The following GTF2F2 variants were observed in gnomAD, a reference collection of about 807,000 sequenced individuals.
The protein encoded by GTF2F2 is ATP-dependent helicase GTF2F2.
Under a neutral mutation model 42.2 loss-of-function variants are expected in GTF2F2, and 23 were observed. The observed-to-expected ratio is 0.55, with a 90% CI of 0.39 to 0.77. GTF2F2 has a LOEUF of 0.77. GTF2F2 is among the 30% of genes least tolerant of loss of function. The probability of loss-of-function intolerance (pLI) is 0.00; values close to 1 mark genes in which losing one functional copy is unlikely to be tolerated. For missense variants in GTF2F2, 261 were observed against 287.2 expected, an observed-to-expected ratio of 0.91 and a Z score of 0.66; for synonymous variants, 105 against 100.8, an observed-to-expected ratio of 1.04 and a Z score of -0.25.
intron 4 of GTF2F2, among the ~76,000 whole-genome samples, chr13:45,191,224 A>AAAAAAAAAAATATAT: frequency 1.3e-4 from 10 of 75,310 alleles, no homozygotes; most frequent in African/African-American, 9.0e-4. Context: ...ACAAAAAAAA[A>AAAAAAAAAAATATAT]ATATATATAT....
intron 4 of GTF2F2, among the ~76,000 whole-genome samples, chr13:45,167,659 A>G (rs1440219282): frequency 6.6e-6 from 1 of 151,940 alleles, no homozygotes; most frequent in Non-Finnish European, 1.5e-5. Flanking sequence ...GGGCCTCCCA[A>G]AAGTGCTGGG....
At chr13:45,255,166 CAAAAA>C (rs55795620) in intron 6 of GTF2F2, among the ~76,000 whole-genome samples, 75 of 76,084 alleles carry the variant, frequency 9.9e-4, no homozygotes, top group South Asian at 2.1e-3. Flanking sequence ...GACTTTGTCT[CAAAAA>C]AAAAAAAAAA....
chr13:45,197,156 T>G (rs894527476), intron 4 of GTF2F2, among the ~76,000 whole-genome samples: 2 of 151,654 alleles, frequency 1.3e-5, no homozygotes, highest in African/African-American at 4.8e-5. Flanking sequence ...CTTATACAAA[T>G]CCATAGGACT....
chr13:45,283,220 T>C (rs1877334219), intron 7 of GTF2F2, among the ~76,000 whole-genome samples: 1 of 152,158 alleles, frequency 6.6e-6, no homozygotes, highest in Admixed American at 6.6e-5. Context: ...TTCAGGACTT[T>C]CAACTCCTTT....
chr13:45,208,552 C>G (rs766156584), intron 5 of GTF2F2, among the ~76,000 whole-genome samples: 1 of 152,140 alleles, frequency 6.6e-6, no homozygotes, highest in Admixed American at 6.5e-5. Flanking sequence ...CGTGGACCTT[C>G]CATTGTCGCA....
At chr13:45,190,705 A>G (rs374543247) in intron 4 of GTF2F2, among the ~76,000 whole-genome samples, 1 of 152,068 alleles carries the variant, frequency 6.6e-6, no homozygotes, top group South Asian at 2.1e-4. Context: ...TATCACCCTA[A>G]AAGTAAGTAA....
In GTF2F2 at chr13:45,136,709, T is replaced by G. The variant is rs1471787483; in HGVS notation, c.67-24T>G. ...AAGATGTTAGCATCTAAAATAGACT[T>G]ATTAGTGTTTTACTTTGTTTTAGGT... On this transcript the variant is annotated intron_variant, in intron 1 of 7. Coordinates refer to ENST00000340473, the MANE Select transcript of GTF2F2 (RefSeq NM_004128.3). 3 of 1,250,298 alleles carry G rather than the reference T, an allele frequency of 2.4e-6. No homozygotes were observed. The Admixed American group carries it at 5.6e-5, about 23-fold the overall frequency. 77.5% of individuals were successfully genotyped at this position (1,250,298 alleles called of 1,614,324 possible). A position where few individuals can be genotyped will look rare whatever the true frequency, so the allele number is the denominator to read the frequency against.
chr13:45,207,596 C>G (rs1593491673), intron 5 of GTF2F2, 91 bp downstream of exon 5: 1 of 781,938 alleles, frequency 1.3e-6, no homozygotes, highest in South Asian at 1.6e-5. Flanking sequence ...TGCATTAAAA[C>G]TGTGGTTATT....
At chr13:45,149,100 A>G (rs1004575530) in intron 2 of GTF2F2, among the ~76,000 whole-genome samples, 33 of 152,196 alleles carry the variant, frequency 2.2e-4, no homozygotes, top group African/African-American at 6.5e-4. Context: ...CTGGTATTAT[A>G]TATGTATTAA....
At chr13:45,229,608 G>A (rs1489578781) in intron 5 of GTF2F2, among the ~76,000 whole-genome samples, 3 of 151,994 alleles carry the variant, frequency 2.0e-5, no homozygotes, top group Non-Finnish European at 4.4e-5. Flanking sequence ...GAAGAATCCA[G>A]TGTGAAGAAA....
intron 6 of GTF2F2, among the ~76,000 whole-genome samples, chr13:45,255,325 G>C (rs1212290135): frequency 6.6e-6 from 1 of 152,256 alleles, no homozygotes; most frequent in East Asian, 1.9e-4. Flanking sequence ...TCTTAAATGA[G>C]TGGAACAATG....
Position 45,189,298 on chromosome 13 carries a change from T to C in GTF2F2, c.305-18126T>C, listed in dbSNP as rs558469211. Among the ~76,000 whole-genome samples the C allele has an allele frequency of 2.6e-5, 4 of 152,316 alleles. No homozygotes were observed. The East Asian group carries it at 7.7e-4, about 29-fold the overall frequency. The stretch of plus-strand genomic sequence containing the variant: ...TGTGCCACATTTTCTTTATCCAATC[T>C]GTTATGATGGACATTTGGGTTGGTT... On this transcript the variant is annotated intron_variant, in intron 4 of 7. Coordinates refer to ENST00000340473, the MANE Select transcript of GTF2F2 (RefSeq NM_004128.3).
chr13:45,243,473 C>G (rs1875425631), intron 5 of GTF2F2, among the ~76,000 whole-genome samples: 2 of 152,186 alleles, frequency 1.3e-5, no homozygotes, highest in African/African-American at 4.8e-5. Context: ...TCATTTGCCA[C>G]ACCCTCCACG....
chr13:45,276,608 T>C (rs552597139), intron 7 of GTF2F2, among the ~76,000 whole-genome samples: 3 of 152,206 alleles, frequency 2.0e-5, no homozygotes, highest in South Asian at 4.2e-4. Context: ...GGCCAATCTT[T>C]TGTATTTTTT....
At chr13:45,262,965 A>G (rs1876406998) in intron 6 of GTF2F2, among the ~76,000 whole-genome samples, 1 of 151,908 alleles carries the variant, frequency 6.6e-6, no homozygotes. Flanking sequence ...GTCTCAAGTG[A>G]TCCTCCCCCC....
At chr13:45,216,344 CAGTAGCT>C (rs1241242169) in intron 5 of GTF2F2, among the ~76,000 whole-genome samples, 3 of 152,048 alleles carry the variant, frequency 2.0e-5, no homozygotes, top group Non-Finnish European at 4.4e-5. Flanking sequence ...GGAGTTTTTT[CAGTAGCT>C]AAGTGTTGTC....
intron 4 of GTF2F2, among the ~76,000 whole-genome samples, chr13:45,182,208 T>C (rs146682428): frequency 5.3e-4 from 80 of 152,260 alleles, no homozygotes; most frequent in African/African-American, 1.8e-3. Flanking sequence ...TGGAGTACAG[T>C]GGTGCAATCT....
intron 4 of GTF2F2, among the ~76,000 whole-genome samples, chr13:45,190,788 G>C (rs1398427824): frequency 6.6e-6 from 1 of 151,454 alleles, no homozygotes; most frequent in Admixed American, 6.6e-5. Flanking sequence ...ATCTCGCTCT[G>C]TCACCTAGGC....
Position 45,236,715 on chromosome 13 carries a change from C to T in GTF2F2, c.387-16156C>T, listed in dbSNP as rs573652642. ...TGTATAGAAAATCAACCAAAAGGGTCGAGGAAGTGAAAAATGGGGATACTA... is the reference window on the plus strand; with the variant it reads ...TGTATAGAAAATCAACCAAAAGGGTTGAGGAAGTGAAAAATGGGGATACTA... On this transcript the variant is annotated intron_variant, in intron 5 of 7. Coordinates refer to ENST00000340473, the MANE Select transcript of GTF2F2 (RefSeq NM_004128.3). 1.3e-4 allele frequency among the ~76,000 whole-genome samples: 20 copies of T among 151,806 alleles called. 1 individual carries two copies. Among genetic ancestry groups the T allele is most frequent in the African/African-American group, 4.1e-4 (17 of 41,408 alleles).
Sources: allele counts gnomAD v4.1 joint callset (sites outside exome capture counted in the v4.1 genomes callset), GRCh38; gene constraint gnomAD v4.1.1; transcripts MANE v1.5; gene names NCBI Gene and HGNC (gene_info 2026-07-23, HGNC 2026-07-21).